The following ASXL2 variants were observed in gnomAD, a reference collection of about 807,000 sequenced individuals.
ASXL2 encodes the protein putative Polycomb group protein ASXL2.
Under a neutral mutation model 122.0 loss-of-function variants are expected in ASXL2, and 23 were observed. The ratio of observed to expected loss-of-function variants is 0.19; its 90% CI spans 0.14 to 0.27. The LOEUF (loss-of-function observed/expected upper bound fraction) is 0.27. Ranked by LOEUF, ASXL2 falls within the 10% of genes least tolerant of loss-of-function variation. The probability of loss-of-function intolerance (pLI) is 1.00; values close to 1 mark genes in which losing one functional copy is unlikely to be tolerated. For synonymous variants in ASXL2, 650 were observed against 637.0 expected (o/e 1.02, Z -0.31); for missense variants, 1,518 against 1,713.8 (o/e 0.89, Z 2.02).
Position 25,735,565 on chromosome 2 carries a change from T to C in ASXL2, c.*6464A>G, listed in dbSNP as rs947709445. ...ATCATCTATAAGATGAAAATCATGTTTTAAGAAAAATTCCCTTTAGCTTCT... is the reference window on the plus strand; with the variant it reads ...ATCATCTATAAGATGAAAATCATGTCTTAAGAAAAATTCCCTTTAGCTTCT... On this transcript the variant is annotated 3_prime_UTR_variant, in exon 13 of 13. Coordinates refer to ENST00000435504, the MANE Select transcript of ASXL2 (RefSeq NM_018263.6). The C allele has an allele frequency of 1.3e-5, 2 of 152,188 alleles. No homozygotes were observed. The highest frequency in any genetic ancestry group is 2.9e-5 in the Non-Finnish European group (2 of 68,022). The allele number at this position is 152,188 out of a possible 1,614,324, so 9.4% of individuals were successfully genotyped here. A position where few individuals can be genotyped will look rare whatever the true frequency, so the allele number is the denominator to read the frequency against.
chr2:25,814,506 T>G (rs549652321), intron 3 of ASXL2, among the ~76,000 whole-genome samples: 1 of 152,234 alleles, frequency 6.6e-6, no homozygotes, highest in African/African-American at 2.4e-5. Context: ...TTAAAGATTA[T>G]GTAACTATCA....
chr2:25,871,867 T>C (rs1309044486), intron 1 of ASXL2, among the ~76,000 whole-genome samples: 1 of 152,232 alleles, frequency 6.6e-6, no homozygotes, highest in East Asian at 1.9e-4. Context: ...ACTAACAGAC[T>C]TGCAGAAAGT....
intron 2 of ASXL2, among the ~76,000 whole-genome samples, chr2:25,842,692 GTATA>G (rs769594746): frequency 1.8e-4 from 23 of 129,654 alleles, no homozygotes; most frequent in South Asian, 5.2e-4. Context: ...TCAAGTGTGT[GTATA>G]TATATATATA....
chr2:25,861,146 C>A (rs993201701), intron 1 of ASXL2, among the ~76,000 whole-genome samples: 1 of 151,890 alleles, frequency 6.6e-6, no homozygotes, highest in Non-Finnish European at 1.5e-5. Flanking sequence ...AAATTGAAAA[C>A]AAGAAATCAA....
rs756318648 is a variant in ASXL2, at chr2:25,753,524, C to T, written c.1142+10G>A. 1 of 1,605,890 alleles carries T rather than the reference C, an allele frequency of 6.2e-7. No homozygotes were observed. Among genetic ancestry groups the T allele is most frequent in the Non-Finnish European group, 8.5e-7 (1 of 1,173,792 alleles). On this transcript the variant is annotated intron_variant, in intron 11 of 12. Coordinates refer to ENST00000435504, the MANE Select transcript of ASXL2 (RefSeq NM_018263.6). ...TAACATTTGGTTTATAGAACCTGTCCTAATATTACCTCTGCCCATAGTAGC... is the reference window on the plus strand; with the variant it reads ...TAACATTTGGTTTATAGAACCTGTCTTAATATTACCTCTGCCCATAGTAGC...
chr2:25,744,935 C>A lies in ASXL2; in HGVS notation c.1861-459G>T, dbSNP rs1007468942. ...GGGAAAATACTTGCTCTTCTCTGTT[C>A]CACACACACACACACACACACACAC... On this transcript the variant is annotated intron_variant, in intron 12 of 12. Coordinates refer to ENST00000435504, the MANE Select transcript of ASXL2 (RefSeq NM_018263.6). This position sits in a 1 kb window ranked among gnomAD's most constrained non-coding sequence, Gnocchi z 4.7. Among the ~76,000 whole-genome samples, 3 of 138,338 alleles carry A rather than the reference C, an allele frequency of 2.2e-5. No individual in the cohort carries two copies. Among genetic ancestry groups the A allele is most frequent in the Admixed American group, 7.3e-5 (1 of 13,698 alleles). 90.8% of individuals were successfully genotyped at this position (138,338 alleles called of 152,430 possible). A position where few individuals can be genotyped will look rare whatever the true frequency, so the allele number is the denominator to read the frequency against.
chr2:25,799,683 CCT>C, intron 4 of ASXL2, 148 bp from the exon 5 acceptor site: 1 of 949,036 alleles, frequency 1.1e-6, no homozygotes, highest in Admixed American at 3.0e-5. Flanking sequence ...TTTCTGAATT[CCT>C]GTCATCTCTT....
chr2:25,740,617 G>C lies in ASXL2; in HGVS notation c.*1412C>G. 1 of 228,390 alleles carries C rather than the reference G, an allele frequency of 4.4e-6. No homozygotes were observed. The highest frequency in any genetic ancestry group is 1.8e-4 in the South Asian group (1 of 5,460). The allele number at this position is 228,390 out of a possible 1,614,324, so 14.1% of individuals were successfully genotyped here. On this transcript the variant is annotated 3_prime_UTR_variant, in exon 13 of 13. Transcript: ENST00000435504. ...CACAATTTCTTCAGTCACTAGAGAAGGATTTAAAAACAAAAAAGGAAACAA... is the reference window on the plus strand; with the variant it reads ...CACAATTTCTTCAGTCACTAGAGAACGATTTAAAAACAAAAAAGGAAACAA...
chr2:25,831,045 C>T (rs140309982), intron 3 of ASXL2, among the ~76,000 whole-genome samples: 5 of 152,150 alleles, frequency 3.3e-5, no homozygotes, highest in Non-Finnish European at 5.9e-5. Flanking sequence ...ATTGGCCAGG[C>T]ACGGTAGCTC....
intron 5 of ASXL2, among the ~76,000 whole-genome samples, chr2:25,789,695 G>C (rs1443395774): frequency 1.3e-5 from 2 of 152,232 alleles, no homozygotes; most frequent in East Asian, 3.9e-4. Context: ...GAGCATTCTG[G>C]ATTTTGAACT....
chr2:25,785,033 C>T lies in ASXL2; in HGVS notation c.404-13493G>A, dbSNP rs551579083. ...TGCCCAGGCTAATAGAATTTTTCCCCAAGTCAAGGAATTATAAGTATTCTC... is the reference window on the plus strand; with the variant it reads ...TGCCCAGGCTAATAGAATTTTTCCCTAAGTCAAGGAATTATAAGTATTCTC... On this transcript the variant is annotated intron_variant, in intron 5 of 12. Coordinates refer to ENST00000435504, the MANE Select transcript of ASXL2 (RefSeq NM_018263.6). 3.3e-5 allele frequency among the ~76,000 whole-genome samples: 5 copies of T among 152,254 alleles called. No individual in the cohort carries two copies. The East Asian group carries it at 9.6e-4, about 29-fold the overall frequency.
At chr2:25,785,380 A>G (rs1413391820) in intron 5 of ASXL2, among the ~76,000 whole-genome samples, 1 of 151,812 alleles carries the variant, frequency 6.6e-6, no homozygotes, top group African/African-American at 2.4e-5. Flanking sequence ...ACCCGCCTCC[A>G]TGTCAGGCCG....
intron 12 of ASXL2, among the ~76,000 whole-genome samples, chr2:25,748,654 C>T (rs567863116): frequency 2.0e-5 from 3 of 152,074 alleles, no homozygotes; most frequent in Non-Finnish European, 4.4e-5. Flanking sequence ...CCATTTATAT[C>T]CTAATGAGTA....
chr2:25,783,405 A>T (rs1157753773), intron 5 of ASXL2, among the ~76,000 whole-genome samples: 1 of 135,250 alleles, frequency 7.4e-6, no homozygotes, highest in African/African-American at 3.0e-5. Context: ...TTTTTCCTTT[A>T]AAAAAAAAAA....
intron 5 of ASXL2, among the ~76,000 whole-genome samples, chr2:25,774,112 TGGAGGTGGAA>T (rs918500889): frequency 1.3e-5 from 2 of 151,704 alleles, no homozygotes; most frequent in Non-Finnish European, 2.9e-5. Flanking sequence ...TACTTGAGGG[TGGAGGTGGAA>T]GGAGGGTGAG....
chr2:25,749,581 T>G (rs542784370), intron 12 of ASXL2, 115 bp downstream of exon 12: 1 of 793,364 alleles, frequency 1.3e-6, no homozygotes, highest in Non-Finnish European at 1.9e-6. Flanking sequence ...TTATCAAATA[T>G]ATCCAACTGC....
At chr2:25,826,964 C>A (rs1224294275) in intron 3 of ASXL2, among the ~76,000 whole-genome samples, 1 of 151,294 alleles carries the variant, frequency 6.6e-6, no homozygotes, top group African/African-American at 2.4e-5. Context: ...GTAGCTGAAC[C>A]ACATGTCTGC....
chr2:25,839,442 G>T (rs1217327257), intron 2 of ASXL2, among the ~76,000 whole-genome samples: 2 of 151,900 alleles, frequency 1.3e-5, no homozygotes, highest in Non-Finnish European at 2.9e-5. Context: ...GTTACAAAAA[G>T]AACTAAGCTA....
At chr2:25,845,198 A>G (rs2089635009) in intron 2 of ASXL2, 9 of 380,870 alleles carry the variant, frequency 2.4e-5, no homozygotes, top group South Asian at 2.0e-4. Context: ...GCCTAAAGAG[A>G]CAGATGAAGG....
Sources: allele counts gnomAD v4.1 joint callset (sites outside exome capture counted in the v4.1 genomes callset), GRCh38; gene constraint gnomAD v4.1.1; non-coding constraint Gnocchi (gnomAD v3.1); transcripts MANE v1.5; gene names NCBI Gene and HGNC (gene_info 2026-07-23, HGNC 2026-07-21).